The following RPS6KC1 variants were observed in gnomAD, a reference collection of about 807,000 sequenced individuals.
RPS6KC1 encodes the protein inactive ribosomal protein S6 kinase delta-1.
RPS6KC1 carries 54 observed loss-of-function variants against 103.8 expected under a neutral mutation model. The ratio of observed to expected loss-of-function variants is 0.52; its 90% CI spans 0.42 to 0.65. The LOEUF is 0.65. RPS6KC1 is among the 30% of genes least tolerant of loss of function. RPS6KC1 has a pLI of 0.00. For synonymous variants in RPS6KC1, 439 were observed against 438.7 expected (o/e 1.00, Z -0.01); for missense variants, 1,151 against 1,253.8 (o/e 0.92, Z 1.24).
At chr1:213,080,296 T>G (rs2079755111) in intron 3 of RPS6KC1, among the ~76,000 whole-genome samples, 1 of 152,202 alleles carries the variant, frequency 6.6e-6, no homozygotes, top group Non-Finnish European at 1.5e-5. Flanking sequence ...TTGTTTACCC[T>G]GTTTCTCTGT....
intron 9 of RPS6KC1, among the ~76,000 whole-genome samples, chr1:213,231,209 A>T (rs1228209322): frequency 1.3e-5 from 2 of 152,212 alleles, no homozygotes; most frequent in Non-Finnish European, 2.9e-5. Flanking sequence ...GACTACACAC[A>T]GTCTCACCTT....
the RPS6KC1 span, among the ~76,000 whole-genome samples, chr1:213,604,593 G>A: frequency 3.9e-5 from 6 of 152,140 alleles, no homozygotes; most frequent in African/African-American, 1.4e-4. Flanking sequence ...TTCCTTCCAG[G>A]GACTGGAGTC....
chr1:213,607,688 T>TACACACAC, the RPS6KC1 span, among the ~76,000 whole-genome samples: 9,686 of 140,736 alleles, frequency 0.069, 370 homozygotes, highest in African/African-American at 0.094. Flanking sequence ...CAGTTGCAAT[T>TACACACAC]ACACACACAC....
chr1:213,754,559 C>A, the RPS6KC1 span, among the ~76,000 whole-genome samples: 2 of 152,122 alleles, frequency 1.3e-5, no homozygotes, highest in Non-Finnish European at 2.9e-5. Context: ...GTGTGTAGCA[C>A]CTTCCACCTC....
In RPS6KC1 at chr1:213,242,012, T is replaced by C. The variant is rs755780959; in HGVS notation, c.2536T>C (p.Phe846Leu). 1.2e-6 allele frequency: 2 copies of C among 1,613,916 alleles called. No homozygotes were observed. Among genetic ancestry groups the C allele is most frequent in the East Asian group, 2.2e-5 (1 of 44,900 alleles). ...DTLKTEEVLL[F>L]TDQTDDLAKE... is the part of the protein sequence containing the mutation. The stretch of plus-strand genomic sequence containing the variant: ...TTTAAAAACAGAAGAAGTATTGCTG[T>C]TTACAGATCAGACTGATGATTTGGC... Residue 846 changes from phenylalanine to leucine, a missense_variant, in exon 11 of 15, where the codon TTT (phenylalanine) becomes CTT (leucine). By Grantham distance (22) the Phe-to-Leu change is conservative. Around this residue, in one of 3 missense-constraint regions of RPS6KC1, gnomAD observed 959 missense variants for 1,006.3 expected, o/e 0.95. Coordinates refer to ENST00000366960, the MANE Select transcript of RPS6KC1 (RefSeq NM_012424.6).
chr1:213,548,110 A>G, the RPS6KC1 span, among the ~76,000 whole-genome samples: 1 of 152,220 alleles, frequency 6.6e-6, no homozygotes, highest in Non-Finnish European at 1.5e-5. Flanking sequence ...ATTAAATAGA[A>G]TGCATAAACA....
At chr1:213,200,677 A>G (rs2093129220) in intron 8 of RPS6KC1, among the ~76,000 whole-genome samples, 1 of 152,216 alleles carries the variant, frequency 6.6e-6, no homozygotes, top group Non-Finnish European at 1.5e-5. Flanking sequence ...TGCACAGCAA[A>G]AGAAACTATC....
chr1:213,129,148 A>G (rs114340742), intron 5 of RPS6KC1, among the ~76,000 whole-genome samples: 173 of 152,284 alleles, frequency 1.1e-3, no homozygotes, highest in African/African-American at 4.0e-3. Context: ...AAAACAAAAA[A>G]AAGAGAGCTG....
the RPS6KC1 span, among the ~76,000 whole-genome samples, chr1:213,749,156 C>G: frequency 1.3e-5 from 2 of 152,218 alleles, no homozygotes; most frequent in African/African-American, 4.8e-5. Flanking sequence ...TTACTCCACA[C>G]TGAGCCCATG....
intron 6 of RPS6KC1, among the ~76,000 whole-genome samples, chr1:213,136,264 A>C (rs1028705914): frequency 3.3e-5 from 5 of 152,306 alleles, no homozygotes; most frequent in African/African-American, 9.6e-5. Context: ...CATAGCTCCA[A>C]TAAAAGCCTC....
chr1:213,556,493 C>A, the RPS6KC1 span, among the ~76,000 whole-genome samples: 2,714 of 152,232 alleles, frequency 0.018, 92 homozygotes, highest in African/African-American at 0.061. Context: ...GCAGAGGGAG[C>A]AGGCTTACCT....
At chr1:213,631,211 C>T in the RPS6KC1 span, among the ~76,000 whole-genome samples, 6 of 152,126 alleles carry the variant, frequency 3.9e-5, no homozygotes, top group African/African-American at 1.4e-4. Flanking sequence ...GTGCTGCATC[C>T]ACTGTCCTGC....
chr1:213,144,858 C>T (rs1193101302), intron 6 of RPS6KC1, among the ~76,000 whole-genome samples: 3 of 152,074 alleles, frequency 2.0e-5, no homozygotes, highest in Middle Eastern at 3.4e-3. Context: ...AGGCGGATCA[C>T]GAGGTCAGGA....
the RPS6KC1 span, among the ~76,000 whole-genome samples, chr1:213,535,366 G>A: frequency 1.2e-4 from 18 of 152,268 alleles, no homozygotes; most frequent in South Asian, 4.1e-4. Flanking sequence ...AGAAAAGAAC[G>A]GAAAGCAGAG....
chr1:213,295,422 T>G, the RPS6KC1 span, among the ~76,000 whole-genome samples: 1 of 152,288 alleles, frequency 6.6e-6, no homozygotes, highest in Admixed American at 6.5e-5. Context: ...TAAAACTGGA[T>G]TTTTGATGTG....
the RPS6KC1 span, among the ~76,000 whole-genome samples, chr1:213,773,657 C>T: frequency 1.3e-5 from 2 of 151,834 alleles, no homozygotes; most frequent in African/African-American, 2.4e-5. Flanking sequence ...ATTCGTAAGG[C>T]GGGCTGCCAG....
chr1:213,088,631 G>A (rs1182928614), intron 3 of RPS6KC1, among the ~76,000 whole-genome samples: 2 of 152,010 alleles, frequency 1.3e-5, no homozygotes, highest in African/African-American at 4.8e-5. Context: ...GTGCTGTGCT[G>A]GTATTACAGG....
intron 6 of RPS6KC1, among the ~76,000 whole-genome samples, chr1:213,134,673 T>G (rs911822853): frequency 1.2e-4 from 19 of 152,148 alleles, no homozygotes; most frequent in African/African-American, 4.6e-4. Flanking sequence ...ATTTATTCCA[T>G]GAATAAGAGT....
At chr1:213,707,018 T>A in the RPS6KC1 span, among the ~76,000 whole-genome samples, 1 of 152,220 alleles carries the variant, frequency 6.6e-6, no homozygotes, top group Non-Finnish European at 1.5e-5. Flanking sequence ...TATGTGTATA[T>A]GTGTCTTTAT....
Sources: gnomAD v4.1 joint callset for allele counts (sites outside exome capture counted in the v4.1 genomes callset) on GRCh38, gnomAD v4.1.1 for gene constraint, gnomAD v4.1.1 regional missense constraint, MANE v1.5 for transcripts, NCBI Gene and HGNC (gene_info 2026-07-23, HGNC 2026-07-21) for gene names.